The following STXBP5L variants were observed in gnomAD, a reference collection of about 807,000 sequenced individuals.
STXBP5L encodes the protein syntaxin-binding protein 5-like.
In STXBP5L, 65 loss-of-function variants were observed where a neutral mutation model predicts 144.5. That is an observed-to-expected ratio of 0.45 (90% confidence interval 0.37 to 0.55). The LOEUF (loss-of-function observed/expected upper bound fraction) is 0.55, where lower values mean the gene tolerates loss of function less well. Among genes scored for constraint, STXBP5L ranks in the 20% least tolerant of loss-of-function variants. The pLI, the probability that STXBP5L is intolerant of heterozygous loss-of-function variation, is 0.00. For missense variants in STXBP5L, 1,298 were observed against 1,405.5 expected (o/e 0.92, Z 1.22); for synonymous variants, 505 against 469.6 (o/e 1.08, Z -0.97).
At chr3:120,964,878 A>G (rs1720662) in intron 3 of STXBP5L, among the ~76,000 whole-genome samples, 57,019 of 151,826 alleles carry the variant, frequency 0.38, 10,911 homozygotes, top group Non-Finnish European at 0.4. Flanking sequence ...GGGTGTTAAA[A>G]TCTCCCATTA....
intron 15 of STXBP5L, among the ~76,000 whole-genome samples, chr3:121,251,900 AC>A (rs1229555408): frequency 1.3e-5 from 2 of 152,206 alleles, no homozygotes; most frequent in Non-Finnish European, 2.9e-5. Context: ...TCCCCTTCTG[AC>A]TTCACATAAT....
intron 10 of STXBP5L, among the ~76,000 whole-genome samples, chr3:121,212,327 C>T (rs1306417625): frequency 6.6e-6 from 1 of 152,136 alleles, no homozygotes; most frequent in African/African-American, 2.4e-5. Flanking sequence ...AGGTTTTCTT[C>T]TAGGGTTTTA....
intron 5 of STXBP5L, among the ~76,000 whole-genome samples, chr3:121,093,506 T>C (rs1241245643): frequency 1.3e-5 from 2 of 152,182 alleles, no homozygotes; most frequent in Non-Finnish European, 2.9e-5. Flanking sequence ...CTTGGGAGGG[T>C]ATATGTGTCG....
intron 20 of STXBP5L, among the ~76,000 whole-genome samples, chr3:121,359,044 T>C (rs914488257): frequency 6.6e-6 from 1 of 152,170 alleles, no homozygotes; most frequent in African/African-American, 2.4e-5. Context: ...CCAAACTGTT[T>C]GCAGTTTTGC....
At chr3:121,253,610 T>C (rs2050102463) in intron 15 of STXBP5L, among the ~76,000 whole-genome samples, 1 of 148,226 alleles carries the variant, frequency 6.7e-6, no homozygotes, top group South Asian at 2.1e-4. Context: ...TGTATATATA[T>C]GTATATATAC....
intron 20 of STXBP5L, among the ~76,000 whole-genome samples, chr3:121,344,954 T>C (rs556987024): frequency 2.2e-3 from 330 of 149,902 alleles, no homozygotes; most frequent in Non-Finnish European, 3.7e-3. Context: ...TAATTATATA[T>C]ATAAGATTAT....
intron 11 of STXBP5L, among the ~76,000 whole-genome samples, chr3:121,224,050 T>A (rs1052377980): frequency 6.6e-6 from 1 of 152,198 alleles, no homozygotes; most frequent in Non-Finnish European, 1.5e-5. Context: ...ACTATATTTT[T>A]AAGACAGAAT....
chr3:121,171,136 G>A (rs755125512), intron 9 of STXBP5L, among the ~76,000 whole-genome samples: 3 of 151,710 alleles, frequency 2.0e-5, no homozygotes, highest in African/African-American at 4.8e-5. Context: ...CGATGCAGAA[G>A]AGGACTTTGA....
At position 121,337,389 on chromosome 3, in the gene STXBP5L, G is replaced by A. The variant is rs535924113; in HGVS notation, c.2176+18849G>A. ...ATGCCAATATAAGAAAAAGCAGCAG[G>A]AGTAGTTATTCTCATGTTAGATAGA... On this transcript the variant is annotated intron_variant, in intron 20 of 26. Transcript: ENST00000471454. Among the ~76,000 whole-genome samples, 6 of 146,252 alleles carry A rather than the reference G, an allele frequency of 4.1e-5. No individual in the cohort carries two copies. The East Asian group carries it at 8.0e-4, about 19-fold the overall frequency.
chr3:121,253,373 C>G (rs1485112837), intron 15 of STXBP5L, among the ~76,000 whole-genome samples: 1 of 151,706 alleles, frequency 6.6e-6, no homozygotes, highest in East Asian at 1.9e-4. Flanking sequence ...ACATTTTTCT[C>G]TCACACACAT....
intron 20 of STXBP5L, among the ~76,000 whole-genome samples, chr3:121,341,473 C>A (rs1021266238): frequency 6.6e-6 from 1 of 152,062 alleles, no homozygotes; most frequent in African/African-American, 2.4e-5. Flanking sequence ...CCTCAAAATA[C>A]TAAAAATGCA....
At chr3:121,137,493 A>G (rs2045314109) in intron 7 of STXBP5L, among the ~76,000 whole-genome samples, 1 of 152,172 alleles carries the variant, frequency 6.6e-6, no homozygotes, top group African/African-American at 2.4e-5. Context: ...AAAGAAAACT[A>G]CAGGCAAATA....
intron 20 of STXBP5L, among the ~76,000 whole-genome samples, chr3:121,370,404 G>A (rs1266321327): frequency 6.6e-6 from 1 of 152,092 alleles, no homozygotes; most frequent in African/African-American, 2.4e-5. Context: ...TTCCTCCTAT[G>A]TGAAGATGTG....
At chr3:121,280,081 C>G in intron 19 of STXBP5L, 125 bp downstream of exon 19, 1 of 1,153,620 alleles carries the variant, frequency 8.7e-7, no homozygotes, top group Non-Finnish European at 1.2e-6. Flanking sequence ...ACATAATTTA[C>G]AAAATCATGT....
At chr3:121,345,577 T>A (rs1445117156) in intron 20 of STXBP5L, among the ~76,000 whole-genome samples, 1 of 152,072 alleles carries the variant, frequency 6.6e-6, no homozygotes, top group East Asian at 1.9e-4. Context: ...TCTTGAGGGA[T>A]CACCACACTG....
chr3:121,075,642 A>C (rs918937015), intron 5 of STXBP5L, among the ~76,000 whole-genome samples: 1 of 152,226 alleles, frequency 6.6e-6, no homozygotes, highest in African/African-American at 2.4e-5. Context: ...TAAGACTTGC[A>C]GAGTCTCTCA....
intron 3 of STXBP5L, among the ~76,000 whole-genome samples, chr3:121,005,061 T>C (rs621136): frequency 0.47 from 72,165 of 151,974 alleles, 17,739 homozygotes; most frequent in African/African-American, 0.56. Context: ...TAATGCTGGC[T>C]TCATAAAATG....
At chr3:121,153,605 T>C (rs2046008279) in intron 8 of STXBP5L, among the ~76,000 whole-genome samples, 1 of 151,942 alleles carries the variant, frequency 6.6e-6, no homozygotes, top group African/African-American at 2.4e-5. Context: ...TTACATGTTC[T>C]CTCCCATCCC....
At chr3:121,086,223 G>T (rs1162075787) in intron 5 of STXBP5L, among the ~76,000 whole-genome samples, 2 of 151,692 alleles carry the variant, frequency 1.3e-5, no homozygotes, top group African/African-American at 2.4e-5. Context: ...TTCCCTCTTG[G>T]CAGTCTTTTA....
Sources: gnomAD v4.1 joint callset for allele counts (sites outside exome capture counted in the v4.1 genomes callset) on GRCh38, gnomAD v4.1.1 for gene constraint, MANE v1.5 for transcripts, NCBI Gene and HGNC (gene_info 2026-07-23, HGNC 2026-07-21) for gene names.